The following GALNT11 variants were observed in gnomAD, a reference collection of about 807,000 sequenced individuals.
The protein encoded by GALNT11 is UDP-GalNAc:polypeptide N-acetylgalactosaminyltransferase 11.
Under a neutral mutation model 72.7 loss-of-function variants are expected in GALNT11, and 47 were observed. The ratio of observed to expected loss-of-function variants is 0.65; its 90% CI spans 0.51 to 0.82. GALNT11 has a LOEUF of 0.82. Among genes scored for constraint, GALNT11 ranks in the 40% least tolerant of loss-of-function variants. The pLI is 0.00. For synonymous variants in GALNT11, 270 were observed against 286.6 expected (o/e 0.94, Z 0.58); for missense variants, 677 against 778.4 (o/e 0.87, Z 1.55).
At chr7:152,040,932 T>G (rs2082827008) in intron 1 of GALNT11, among the ~76,000 whole-genome samples, 1 of 152,186 alleles carries the variant, frequency 6.6e-6, no homozygotes, top group African/African-American at 2.4e-5. Context: ...TCCAATTACT[T>G]ATTGTGACTG....
chr7:152,110,267 T>A (rs78814118), intron 6 of GALNT11, among the ~76,000 whole-genome samples: 1 of 152,156 alleles, frequency 6.6e-6, no homozygotes, highest in South Asian at 2.1e-4. Flanking sequence ...TGGCTTTCCA[T>A]CAGAAATGGT....
intron 1 of GALNT11, among the ~76,000 whole-genome samples, chr7:152,064,708 T>A (rs1403996384): frequency 6.6e-6 from 1 of 152,214 alleles, no homozygotes; most frequent in African/African-American, 2.4e-5. Context: ...CTCCTTCACT[T>A]ATGAAGCTTA....
intron 6 of GALNT11, 61 bp downstream of exon 6, chr7:152,108,348 G>C (rs1467367056): frequency 6.5e-7 from 1 of 1,536,190 alleles, no homozygotes; most frequent in African/African-American, 1.4e-5. Context: ...AGAACAAAAT[G>C]ATATTAAAGA....
chr7:152,117,542 T>A, intron 9 of GALNT11, 167 bp downstream of exon 9: 1 of 673,574 alleles, frequency 1.5e-6, no homozygotes. Context: ...TCTACGCAAG[T>A]GTAGGACCTC....
intron 1 of GALNT11, among the ~76,000 whole-genome samples, chr7:152,081,311 C>T (rs531937399): frequency 6.8e-4 from 103 of 152,078 alleles, no homozygotes; most frequent in South Asian, 2.5e-3. Context: ...TAATAGAGGA[C>T]GACTACAAAA....
intron 3 of GALNT11, among the ~76,000 whole-genome samples, chr7:152,101,824 G>A (rs1369652481): frequency 6.6e-6 from 1 of 152,000 alleles, no homozygotes; most frequent in Non-Finnish European, 1.5e-5. Flanking sequence ...AGTAGAGATA[G>A]GGTTTCACCA....
At chr7:152,030,801 G>C (rs1387600805) in intron 1 of GALNT11, among the ~76,000 whole-genome samples, 2 of 151,636 alleles carry the variant, frequency 1.3e-5, no homozygotes, top group Non-Finnish European at 2.9e-5. Context: ...TCCTCTCTCT[G>C]TGTCTCTCTC....
chr7:152,063,420 AT>A (rs1291676954), intron 1 of GALNT11, among the ~76,000 whole-genome samples: 1 of 151,968 alleles, frequency 6.6e-6, no homozygotes, highest in East Asian at 1.9e-4. Context: ...CAGCTCCTGG[AT>A]TCATTGATTT....
At position 152,103,225 on chromosome 7, in the gene GALNT11, C is replaced by T. The variant is rs1341628836; in HGVS notation, c.533C>T (p.Thr178Met). ...LRTVHSVIDRTPAHLLHEIIL... is the reference protein window; with the variant it reads ...LRTVHSVIDRMPAHLLHEIIL... ...ACAGTGCACAGTGTCATAGACCGCA[C>T]GCCAGCACACCTGCTTCATGAGATC... Residue 178 changes from threonine to methionine, a missense_variant, in exon 4 of 12, where the codon ACG becomes ATG. Thr to Met is a moderately conservative substitution (Grantham distance 81, BLOSUM62 -1). Transcript: ENST00000430044. 3 of 1,613,508 alleles carry T rather than the reference C, an allele frequency of 1.9e-6. No individual in the cohort carries two copies. The highest frequency in any genetic ancestry group is 2.5e-6 in the Non-Finnish European group (3 of 1,179,686).
chr7:152,026,682 A>G (rs1319011890), intron 1 of GALNT11, among the ~76,000 whole-genome samples: 1 of 152,042 alleles, frequency 6.6e-6, no homozygotes, highest in Non-Finnish European at 1.5e-5. Flanking sequence ...CCATGGCGTA[A>G]ATTGTGTGTT....
Position 152,118,763 on chromosome 7 carries a change from A to C in GALNT11, c.1538A>C (p.Asp513Ala). Residue 513 changes from aspartate to alanine, a missense_variant, in exon 10 of 12, where the codon GAC becomes GCC. Physicochemically the swap from Asp to Ala is moderately radical, Grantham distance 126. Coordinates refer to ENST00000430044, the MANE Select transcript of GALNT11 (RefSeq NM_022087.4). ...KGGLVVLKACDYSDPNQIWIY... is the reference protein window; with the variant it reads ...KGGLVVLKACAYSDPNQIWIY... Reference sequence around the variant, plus strand: ...GGTCTCGTGGTGCTTAAGGCCTGTGACTACAGTGACCCAAATCAGGTGAGT... The same window carrying C: ...GGTCTCGTGGTGCTTAAGGCCTGTGCCTACAGTGACCCAAATCAGGTGAGT... The C allele has an allele frequency of 6.2e-7, 1 of 1,606,994 alleles. No homozygotes were observed. Among genetic ancestry groups the C allele is most frequent in the Non-Finnish European group, 8.5e-7 (1 of 1,178,108 alleles).
At chr7:152,048,269 A>G (rs1390391999) in intron 1 of GALNT11, among the ~76,000 whole-genome samples, 1 of 151,840 alleles carries the variant, frequency 6.6e-6, no homozygotes, top group Non-Finnish European at 1.5e-5. Context: ...GCTGCCAGAC[A>G]TATTGGAGCT....
At chr7:152,040,754 T>G (rs2152005709) in intron 1 of GALNT11, among the ~76,000 whole-genome samples, 1 of 152,322 alleles carries the variant, frequency 6.6e-6, no homozygotes, top group East Asian at 1.9e-4. Context: ...TTAAAAGCAG[T>G]CAATACCTCA....
At chr7:152,070,160 C>A (rs1057070908) in intron 1 of GALNT11, among the ~76,000 whole-genome samples, 1 of 152,020 alleles carries the variant, frequency 6.6e-6, no homozygotes, top group Admixed American at 6.6e-5. Flanking sequence ...CCACGCCCAG[C>A]TAATTTTTTG....
At chr7:152,065,093 T>G (rs1437521038) in intron 1 of GALNT11, among the ~76,000 whole-genome samples, 2 of 152,246 alleles carry the variant, frequency 1.3e-5, no homozygotes, top group African/African-American at 2.4e-5. Flanking sequence ...GGCACACCAA[T>G]CAGACGTAGA....
chr7:152,110,644 G>T lies in GALNT11; in HGVS notation c.1079G>T (p.Arg360Leu). 6.3e-7 allele frequency: 1 copy of T among 1,588,118 alleles called. No homozygotes were observed. Among genetic ancestry groups the T allele is most frequent in the South Asian group, 1.1e-5 (1 of 89,078 alleles). The change falls in exon 7 of 12, where the codon CGG becomes CTG. Residue 360 changes from arginine to leucine, a missense_variant and splice_region_variant. Coordinates refer to ENST00000430044, the MANE Select transcript of GALNT11 (RefSeq NM_022087.4). The part of the protein sequence containing the change: ...WGGENLEISF[R>L]IWMCGGKLFI... Reference sequence around the variant, plus strand: ...GGAGAAAATTTGGAAATATCATTTCGGGTAATTTAATTTTTGCATGCTCAA... The same window carrying T: ...GGAGAAAATTTGGAAATATCATTTCTGGTAATTTAATTTTTGCATGCTCAA...
rs188472747 is a variant in GALNT11 at position 152,047,835 on chromosome 7, T to C, written c.-39+21951T>C. Among the ~76,000 whole-genome samples, 39 of 151,070 alleles carry C rather than the reference T, an allele frequency of 2.6e-4. 1 individual carries two copies. The highest frequency in any genetic ancestry group is 3.4e-3 in the Middle Eastern group (1 of 294). ...CTGCTTTTAAACTTTTTGTTGTTTCTATTTATATCTTATTGTATTGTCTAT... is the reference window on the plus strand; with the variant it reads ...CTGCTTTTAAACTTTTTGTTGTTTCCATTTATATCTTATTGTATTGTCTAT... On this transcript the variant is annotated intron_variant, in intron 1 of 11. Transcript: ENST00000430044.
chr7:152,066,235 GC>G (rs1309018440), intron 1 of GALNT11, among the ~76,000 whole-genome samples: 5 of 152,040 alleles, frequency 3.3e-5, no homozygotes, highest in Admixed American at 2.6e-4. Context: ...GACCCTCCGA[GC>G]CAGGCATGGG....
rs774978362 is a variant in GALNT11 at position 152,120,810 on chromosome 7, T to C, written c.1558-21T>C. ...GTCTTAAAATTCGTTATCTAAATTTTATTTTATTTTTCTTCTCTAGATCTG... is the reference window on the plus strand; with the variant it reads ...GTCTTAAAATTCGTTATCTAAATTTCATTTTATTTTTCTTCTCTAGATCTG... On this transcript the variant is annotated intron_variant, in intron 10 of 11. Transcript: ENST00000430044. The C allele has an allele frequency of 4.4e-6, 7 of 1,573,866 alleles. No homozygotes were observed. The Admixed American group carries it at 1.2e-4, about 27-fold the overall frequency.
Sources: allele counts gnomAD v4.1 joint callset (sites outside exome capture counted in the v4.1 genomes callset), GRCh38; gene constraint gnomAD v4.1.1; transcripts MANE v1.5; gene names NCBI Gene and HGNC (gene_info 2026-07-23, HGNC 2026-07-21).